DSCAM: variants seen among roughly 807,000 people sequenced by gnomAD.
The protein encoded by DSCAM is DS cell adhesion molecule.
A neutral mutation model predicts 217.7 loss-of-function variants in DSCAM; 47 were observed. The observed-to-expected ratio is 0.22, with a 90% CI of 0.17 to 0.28. The LOEUF is 0.28. Ranked by LOEUF, DSCAM falls within the 10% of genes least tolerant of loss-of-function variation. The pLI is 1.00. For missense variants in DSCAM, 2,080 were observed against 2,618.3 expected, an observed-to-expected ratio of 0.79 and a Z score of 4.49; for synonymous variants, 1,056 against 1,015.3, an observed-to-expected ratio of 1.04 and a Z score of -0.76.
chr21:40,622,803 G>A (rs1320857512), intron 3 of DSCAM, among the ~76,000 whole-genome samples: 3 of 151,054 alleles, frequency 2.0e-5, no homozygotes, highest in African/African-American at 4.9e-5. Flanking sequence ...AGCTGGCTCC[G>A]AGTCTGCCCC....
chr21:40,165,456 G>A (rs1369273344), intron 16 of DSCAM, among the ~76,000 whole-genome samples: 2 of 152,184 alleles, frequency 1.3e-5, no homozygotes, highest in African/African-American at 4.8e-5. Flanking sequence ...GAGATAGATT[G>A]CACTCCTCCA....
chr21:40,211,433 C>T (rs2091183047), intron 11 of DSCAM, among the ~76,000 whole-genome samples: 1 of 152,198 alleles, frequency 6.6e-6, no homozygotes, highest in African/African-American at 2.4e-5. Flanking sequence ...ATGGTAAGTG[C>T]ATGTTTAGTT....
intron 15 of DSCAM, among the ~76,000 whole-genome samples, chr21:40,173,745 T>C (rs1432500650): frequency 6.6e-6 from 1 of 152,164 alleles, no homozygotes; most frequent in East Asian, 1.9e-4. Flanking sequence ...TCACAGCTGC[T>C]GCCCCGGAAT....
At chr21:40,121,980 C>G (rs549143533) in intron 20 of DSCAM, among the ~76,000 whole-genome samples, 2 of 152,006 alleles carry the variant, frequency 1.3e-5, no homozygotes, top group African/African-American at 4.8e-5. Context: ...CGTGAGCCAC[C>G]GTGCCTTGCT....
intron 3 of DSCAM, among the ~76,000 whole-genome samples, chr21:40,420,504 G>T (rs1464750977): frequency 6.6e-6 from 1 of 152,174 alleles, no homozygotes; most frequent in African/African-American, 2.4e-5. Context: ...AAGCAGGAAG[G>T]TCAGGATTCA....
chr21:40,725,301 G>C (rs2090943400), intron 1 of DSCAM, among the ~76,000 whole-genome samples: 1 of 152,118 alleles, frequency 6.6e-6, no homozygotes, highest in African/African-American at 2.4e-5. Flanking sequence ...ACAAAGTGTA[G>C]ATGTCCAGTT....
At chr21:40,519,000 A>C (rs555273829) in intron 3 of DSCAM, among the ~76,000 whole-genome samples, 28 of 152,128 alleles carry the variant, frequency 1.8e-4, no homozygotes, top group Non-Finnish European at 3.8e-4. Context: ...TAAGTACTTC[A>C]TTTCTAAATA....
At chr21:40,756,684 G>A (rs1455983337) in intron 1 of DSCAM, among the ~76,000 whole-genome samples, 4 of 152,146 alleles carry the variant, frequency 2.6e-5, no homozygotes, top group Admixed American at 6.5e-5. Flanking sequence ...GAGCCACCAC[G>A]CGCAGCCCAG....
At chr21:40,348,927 G>A (rs1601574973) in intron 5 of DSCAM, among the ~76,000 whole-genome samples, 1 of 151,644 alleles carries the variant, frequency 6.6e-6, no homozygotes, top group Non-Finnish European at 1.5e-5. Flanking sequence ...GGATCACGAG[G>A]TCAGGAGATG....
chr21:40,698,421 G>T (rs2090618007), intron 2 of DSCAM, among the ~76,000 whole-genome samples: 1 of 152,110 alleles, frequency 6.6e-6, no homozygotes, highest in East Asian at 1.9e-4. Context: ...CTTTAAAAGG[G>T]GGATAATGAA....
At chr21:40,095,095 C>T (rs964384730) in intron 20 of DSCAM, among the ~76,000 whole-genome samples, 13 of 152,126 alleles carry the variant, frequency 8.5e-5, no homozygotes, top group East Asian at 3.8e-4. Context: ...GGAGGCCTCA[C>T]GATCACGGCA....
intron 1 of DSCAM, among the ~76,000 whole-genome samples, chr21:40,819,147 A>G (rs922076045): frequency 6.6e-6 from 1 of 152,218 alleles, no homozygotes; most frequent in Admixed American, 6.5e-5. Context: ...ACGGAACACA[A>G]AGCTGATTAT....
intron 2 of DSCAM, among the ~76,000 whole-genome samples, chr21:40,695,276 G>A (rs1409834330): frequency 6.6e-6 from 1 of 152,048 alleles, no homozygotes; most frequent in African/African-American, 2.4e-5. Context: ...GCCTACACTA[G>A]ATGGGATCAC....
At chr21:40,195,329 CTGAAAAGAAAACAGAT>C (rs536644593) in intron 11 of DSCAM, among the ~76,000 whole-genome samples, 32 of 152,090 alleles carry the variant, frequency 2.1e-4, no homozygotes, top group African/African-American at 5.3e-4. Context: ...CCTGGTTCTG[CTGAAAAGAAAACAGAT>C]TGAAAAGAAA....
intron 3 of DSCAM, among the ~76,000 whole-genome samples, chr21:40,472,690 T>A (rs1041647733): frequency 2.6e-5 from 4 of 152,208 alleles, no homozygotes; most frequent in African/African-American, 7.2e-5. Context: ...TGTGTCTGTT[T>A]TGGAGGAGTG....
intron 3 of DSCAM, among the ~76,000 whole-genome samples, chr21:40,683,603 G>A (rs2090440001): frequency 6.6e-6 from 1 of 152,150 alleles, no homozygotes; most frequent in Non-Finnish European, 1.5e-5. Flanking sequence ...GGGCACAGCT[G>A]ATGAAAAGAG....
intron 3 of DSCAM, among the ~76,000 whole-genome samples, chr21:40,540,940 C>A (rs2076538512): frequency 6.6e-6 from 1 of 151,920 alleles, no homozygotes; most frequent in Admixed American, 6.6e-5. Context: ...GTGGCCCAGG[C>A]ATGTCTCAAA....
intron 20 of DSCAM, among the ~76,000 whole-genome samples, chr21:40,095,886 C>G (rs1406563830): frequency 6.6e-6 from 1 of 151,956 alleles, no homozygotes; most frequent in Non-Finnish European, 1.5e-5. Flanking sequence ...ACAAAAAGAC[C>G]TAAATTAAAC....
chr21:40,484,774 T>TTTA (rs2076010978), intron 3 of DSCAM, among the ~76,000 whole-genome samples: 1 of 152,146 alleles, frequency 6.6e-6, no homozygotes, highest in Non-Finnish European at 1.5e-5. Flanking sequence ...GGTTACCTGT[T>TTTA]TTATACAGGG....
Sources: gnomAD v4.1 joint callset for allele counts (sites outside exome capture counted in the v4.1 genomes callset) on GRCh38, gnomAD v4.1.1 for gene constraint, MANE v1.5 for transcripts, NCBI Gene and HGNC (gene_info 2026-07-23, HGNC 2026-07-21) for gene names.